PARD3B: variants seen among roughly 807,000 people sequenced by gnomAD.
PARD3B encodes partitioning defective 3 homolog B.
In PARD3B, 103 loss-of-function variants were observed where a neutral mutation model predicts 130.2. That is an observed-to-expected ratio of 0.79 (90% CI 0.67 to 0.93). The LOEUF (loss-of-function observed/expected upper bound fraction) is 0.93. PARD3B is among the 40% of genes least tolerant of loss of function. The pLI is 0.00. For missense variants in PARD3B, 1,609 were observed against 1,499.2 expected, an observed-to-expected ratio of 1.07 and a Z score of -1.21; for synonymous variants, 583 against 553.2, an observed-to-expected ratio of 1.05 and a Z score of -0.76.
chr2:205,103,359 T>TTTTTATTTGTGTAAAATAAATATA (rs71032441), intron 4 of PARD3B, among the ~76,000 whole-genome samples: 1 of 68,122 alleles, frequency 1.5e-5, no homozygotes, highest in Admixed American at 1.1e-4. Context: ...AATAAATATA[T>TTTTTATTTGTGTAAAATAAATATA]TTTTTATTTA....
chr2:204,617,095 C>T (rs1362044412), intron 1 of PARD3B, among the ~76,000 whole-genome samples: 1 of 152,180 alleles, frequency 6.6e-6, no homozygotes, highest in South Asian at 2.1e-4. Context: ...AATGTTCCAT[C>T]TCCCTTCCCA....
chr2:204,836,578 G>A (rs1488827266), intron 2 of PARD3B, among the ~76,000 whole-genome samples: 4 of 152,098 alleles, frequency 2.6e-5, no homozygotes, highest in African/African-American at 7.2e-5. Flanking sequence ...CAGCAGAATC[G>A]CTTGAACCCA....
At chr2:204,562,845 T>C (rs1002969189) in intron 1 of PARD3B, among the ~76,000 whole-genome samples, 3 of 152,022 alleles carry the variant, frequency 2.0e-5, no homozygotes, top group African/African-American at 7.3e-5. Flanking sequence ...TTTTTTTTCG[T>C]TGCTGTAACT....
Position 205,268,544 on chromosome 2 carries a change from G to A in PARD3B, c.2185+22722G>A, listed in dbSNP as rs949594055. On this transcript the variant is annotated intron_variant, in intron 16 of 22. Coordinates refer to ENST00000406610, the MANE Select transcript of PARD3B (RefSeq NM_001302769.2). This position sits in a 1 kb window ranked among gnomAD's most constrained non-coding sequence, Gnocchi z 4.1. The stretch of plus-strand genomic sequence containing the variant: ...AGAAAGAAAATTGAGTTTCAAGGAC[G>A]TAGAAAAATCTGATTTGAAATCAGG... Among the ~76,000 whole-genome samples the A allele has an allele frequency of 5.3e-5, 8 of 152,106 alleles. No homozygotes were observed. Among genetic ancestry groups the A allele is most frequent in the East Asian group, 1.9e-4 (1 of 5,192 alleles).
At chr2:204,776,347 G>A (rs1264929358) in intron 2 of PARD3B, among the ~76,000 whole-genome samples, 1 of 152,068 alleles carries the variant, frequency 6.6e-6, no homozygotes, top group Non-Finnish European at 1.5e-5. Flanking sequence ...TAATATGGAG[G>A]TGATTTATTG....
intron 19 of PARD3B, 90 bp downstream of exon 19, chr2:205,401,213 T>C: frequency 9.2e-7 from 1 of 1,085,548 alleles, no homozygotes; most frequent in Non-Finnish European, 1.4e-6. Flanking sequence ...AGAAATTTCA[T>C]TTTAAGAAGT....
At chr2:204,778,341 G>C (rs183425584) in intron 2 of PARD3B, among the ~76,000 whole-genome samples, 477 of 150,398 alleles carry the variant, frequency 3.2e-3, no homozygotes, top group Middle Eastern at 0.01. Flanking sequence ...TATGTTTTAG[G>C]AAAAAAAAAG....
At chr2:205,275,530 A>G (rs923926721) in intron 16 of PARD3B, among the ~76,000 whole-genome samples, 4 of 152,110 alleles carry the variant, frequency 2.6e-5, no homozygotes, top group Admixed American at 6.6e-5. Flanking sequence ...ATTGAAAATC[A>G]AGAGCTGTGG....
At chr2:204,860,566 C>T (rs1384124928) in intron 2 of PARD3B, among the ~76,000 whole-genome samples, 1 of 152,118 alleles carries the variant, frequency 6.6e-6, no homozygotes, top group Non-Finnish European at 1.5e-5. Flanking sequence ...ATACAGAAAA[C>T]GTTTTGGCAG....
chr2:205,044,122 C>T (rs968371744), intron 3 of PARD3B, among the ~76,000 whole-genome samples: 1 of 151,986 alleles, frequency 6.6e-6, no homozygotes, highest in Non-Finnish European at 1.5e-5. Context: ...CATGTCCCTA[C>T]AAAGGACATG....
chr2:204,936,438 T>C (rs1340169710), intron 2 of PARD3B, among the ~76,000 whole-genome samples: 1 of 152,270 alleles, frequency 6.6e-6, no homozygotes, highest in East Asian at 1.9e-4. Context: ...TCATGCACTT[T>C]GGACTGTCTC....
At position 204,612,102 on chromosome 2, in the gene PARD3B, G is replaced by C. The variant is rs181106877; in HGVS notation, c.120+65983G>C. On this transcript the variant is annotated intron_variant, in intron 1 of 22. Coordinates refer to ENST00000406610, the MANE Select transcript of PARD3B (RefSeq NM_001302769.2). ...ATGAGATCTTCTTGATCTGTCTTCT[G>C]TTTCTTATTTATAGGAGTATGTGCA... Among the ~76,000 whole-genome samples the C allele has an allele frequency of 2.6e-5, 4 of 152,270 alleles. No individual in the cohort carries two copies. In the East Asian group the frequency reaches 7.7e-4, roughly 29 times the overall value.
intron 4 of PARD3B, among the ~76,000 whole-genome samples, chr2:205,068,580 TA>T (rs201534002): frequency 5.6e-4 from 20 of 35,928 alleles, no homozygotes; most frequent in African/African-American, 1.4e-3. Context: ...GGAATGAAGT[TA>T]TTTTTTTTTT....
At position 204,880,729 on chromosome 2, in the gene PARD3B, C is replaced by G. The variant is rs144005965; in HGVS notation, c.223-84423C>G. ...CCTGTTATCTCCAAGAAGTATCCAG[C>G]TGATGTGGGGCTGCACACAAATGAC... On this transcript the variant is annotated intron_variant, in intron 2 of 22. Coordinates refer to ENST00000406610, the MANE Select transcript of PARD3B (RefSeq NM_001302769.2). Among the ~76,000 whole-genome samples, 621 of 150,662 alleles carry G rather than the reference C, an allele frequency of 4.1e-3. 7 individuals carry two copies. The highest frequency in any genetic ancestry group is 0.015 in the African/African-American group (598 of 40,976).
chr2:205,355,556 A>C (rs1460580992), intron 18 of PARD3B, among the ~76,000 whole-genome samples: 1 of 152,084 alleles, frequency 6.6e-6, no homozygotes, highest in East Asian at 1.9e-4. Flanking sequence ...ATGTTGCTTC[A>C]ACTGTGTAAG....
Position 205,113,551 on chromosome 2 carries a change from G to A in PARD3B, c.654G>A (p.Val218=), listed in dbSNP as rs1475437807. The A allele has an allele frequency of 1.9e-6, 3 of 1,612,564 alleles. No homozygotes were observed. Among genetic ancestry groups the A allele is most frequent in the Non-Finnish European group, 2.5e-6 (3 of 1,179,146 alleles). The change falls in exon 6 of 23, where the codon GTG becomes GTA. Residue 218 remains valine (V), a synonymous_variant. Transcript: ENST00000406610. ...GEGGPLGIHV[V]PFFSSLSGRI... is the part of the protein sequence containing the mutation. ...GAGGCCCATTGGGAATACATGTAGT[G>A]CCCTTCTTTTCATCTCTGAGTGGAA...
At position 205,121,674 on chromosome 2, in the gene PARD3B, A is replaced by T. The variant is rs767657710; in HGVS notation, c.890A>T (p.Glu297Val). ...CCTCCACAAAACCGTGAACAGTATG[A>T]AAAGTCAGTCATTGGCTCTCTTAAC... ...VLPPQNREQY[E>V]KSVIGSLNIF... The change falls in exon 8 of 23, where the codon GAA becomes GTA. Residue 297 changes from glutamate to valine, a missense_variant. Transcript: ENST00000406610. This position sits in a 1 kb window ranked among gnomAD's most constrained non-coding sequence, Gnocchi z 5.0. The T allele has an allele frequency of 6.2e-7, 1 of 1,614,190 alleles. No homozygotes were observed. The highest frequency in any genetic ancestry group is 8.5e-7 in the Non-Finnish European group (1 of 1,180,026).
At chr2:204,624,584 T>C (rs1029851977) in intron 1 of PARD3B, among the ~76,000 whole-genome samples, 2 of 152,184 alleles carry the variant, frequency 1.3e-5, no homozygotes, top group Non-Finnish European at 2.9e-5. Context: ...TGTTGAGTAG[T>C]GTTCCATGGT....
intron 22 of PARD3B, among the ~76,000 whole-genome samples, chr2:205,574,649 C>A (rs1056946877): frequency 6.6e-6 from 1 of 152,078 alleles, no homozygotes; most frequent in Non-Finnish European, 1.5e-5. Flanking sequence ...GGGGGGGCAA[C>A]TTCACTTCAT....
Sources: allele counts gnomAD v4.1 joint callset (sites outside exome capture counted in the v4.1 genomes callset), GRCh38; gene constraint gnomAD v4.1.1; non-coding constraint Gnocchi (gnomAD v3.1); transcripts MANE v1.5; gene names NCBI Gene and HGNC (gene_info 2026-07-23, HGNC 2026-07-21).